THSD4: variants seen among roughly 807,000 people sequenced by gnomAD.
The protein encoded by THSD4 is thrombospondin type-1 domain-containing protein 4.
Under a neutral mutation model 119.0 loss-of-function variants are expected in THSD4, and 69 were observed. That is an observed-to-expected ratio of 0.58 (90% CI 0.48 to 0.71). The LOEUF (loss-of-function observed/expected upper bound fraction) is 0.71. Ranked by LOEUF, THSD4 falls within the 30% of genes least tolerant of loss-of-function variation. The pLI is 0.00. For synonymous variants in THSD4, 524 were observed against 540.4 expected, an observed-to-expected ratio of 0.97 and a Z score of 0.42; for missense variants, 1,393 against 1,391.1, an observed-to-expected ratio of 1.00 and a Z score of -0.02.
chr15:71,497,777 A>G (rs1181722363), intron 7 of THSD4, among the ~76,000 whole-genome samples: 1 of 152,180 alleles, frequency 6.6e-6, no homozygotes, highest in Admixed American at 6.5e-5. Flanking sequence ...TTATCAACAT[A>G]AAGTTTTCAG....
At chr15:71,753,536 G>C (rs904345146) in intron 14 of THSD4, among the ~76,000 whole-genome samples, 4 of 152,254 alleles carry the variant, frequency 2.6e-5, no homozygotes, top group Non-Finnish European at 5.9e-5. Flanking sequence ...TGAGAAGGCA[G>C]TCCCCACCAG....
chr15:71,265,471 T>C (rs2044453466), intron 6 of THSD4, among the ~76,000 whole-genome samples: 1 of 152,108 alleles, frequency 6.6e-6, no homozygotes, highest in Non-Finnish European at 1.5e-5. Flanking sequence ...GACTAGGAGA[T>C]TCCCTCGGGT....
chr15:71,617,430 C>G (rs941611140), intron 7 of THSD4, among the ~76,000 whole-genome samples: 4 of 151,806 alleles, frequency 2.6e-5, no homozygotes, highest in African/African-American at 9.7e-5. Context: ...CTTTCTTTCC[C>G]TTCATCTCAG....
chr15:71,478,510 C>G (rs1024760996), intron 7 of THSD4, among the ~76,000 whole-genome samples: 10 of 152,094 alleles, frequency 6.6e-5, no homozygotes, highest in South Asian at 2.1e-4. Flanking sequence ...GTGGACTCCA[C>G]CCAAAAGATG....
intron 3 of THSD4, among the ~76,000 whole-genome samples, chr15:71,157,397 A>T (rs1018724967): frequency 6.6e-6 from 1 of 152,186 alleles, no homozygotes; most frequent in Non-Finnish European, 1.5e-5. Context: ...TTATATAATG[A>T]TCAAATCAGG....
At chr15:71,679,443 A>G (rs866345862) in intron 8 of THSD4, among the ~76,000 whole-genome samples, 4 of 152,238 alleles carry the variant, frequency 2.6e-5, no homozygotes, top group South Asian at 2.1e-4. Context: ...CTATGCTCCA[A>G]TAAAATACGA....
chr15:71,508,737 A>G (rs2048233200), intron 7 of THSD4, among the ~76,000 whole-genome samples: 1 of 152,170 alleles, frequency 6.6e-6, no homozygotes, highest in South Asian at 2.1e-4. Context: ...TATGTAGTGT[A>G]TTTTTAGGTA....
chr15:71,596,915 G>T (rs4777415), intron 7 of THSD4, among the ~76,000 whole-genome samples: 1 of 152,146 alleles, frequency 6.6e-6, no homozygotes, highest in Admixed American at 6.5e-5. Context: ...CAAAGAGGGC[G>T]TGTGGGGAAG....
At chr15:71,430,959 G>T (rs2046936350) in intron 7 of THSD4, among the ~76,000 whole-genome samples, 5 of 152,032 alleles carry the variant, frequency 3.3e-5, no homozygotes, top group South Asian at 2.1e-4. Flanking sequence ...AAAATAACCA[G>T]TGTTTCCAAT....
At chr15:71,473,930 G>A (rs527741332) in intron 7 of THSD4, among the ~76,000 whole-genome samples, 1 of 152,330 alleles carries the variant, frequency 6.6e-6, no homozygotes, top group Admixed American at 6.5e-5. Context: ...TTAGGGCAGG[G>A]CCTATATGGT....
At chr15:71,170,306 C>T (rs576334938) in intron 3 of THSD4, among the ~76,000 whole-genome samples, 1 of 152,244 alleles carries the variant, frequency 6.6e-6, no homozygotes, top group East Asian at 1.9e-4. Flanking sequence ...TCAGCACACA[C>T]ATTTGAGGAA....
intron 17 of THSD4, among the ~76,000 whole-genome samples, chr15:71,774,825 G>A (rs1170370544): frequency 6.6e-6 from 1 of 151,764 alleles, no homozygotes; most frequent in Non-Finnish European, 1.5e-5. Context: ...ATTAATGAAT[G>A]AACCGTACAA....
At chr15:71,365,127 C>A (rs1009017412) in intron 6 of THSD4, among the ~76,000 whole-genome samples, 5 of 76,478 alleles carry the variant, frequency 6.5e-5, no homozygotes, top group Admixed American at 1.6e-4. Flanking sequence ...CACTGCCCCC[C>A]CCATTGTGTG....
intron 7 of THSD4, among the ~76,000 whole-genome samples, chr15:71,515,554 G>A (rs764045997): frequency 6.6e-6 from 1 of 152,128 alleles, no homozygotes; most frequent in Non-Finnish European, 1.5e-5. Flanking sequence ...ATTGAGGGGG[G>A]CTCAATCTCT....
At chr15:71,323,706 A>G (rs576108562) in intron 6 of THSD4, among the ~76,000 whole-genome samples, 5 of 152,338 alleles carry the variant, frequency 3.3e-5, no homozygotes, top group Admixed American at 6.5e-5. Context: ...TTCCTTTGGC[A>G]GAACACCAGA....
At chr15:71,180,925 A>C (rs951421313) in intron 3 of THSD4, among the ~76,000 whole-genome samples, 4 of 152,104 alleles carry the variant, frequency 2.6e-5, no homozygotes, top group African/African-American at 9.7e-5. Flanking sequence ...TGTATGTTAT[A>C]CCTCAATTAA....
chr15:71,451,700 C>A (rs2047267946), intron 7 of THSD4, among the ~76,000 whole-genome samples: 1 of 152,308 alleles, frequency 6.6e-6, no homozygotes, highest in East Asian at 1.9e-4. Context: ...TGGACTAGGC[C>A]TGTTTTGGAA....
intron 4 of THSD4, among the ~76,000 whole-genome samples, chr15:71,232,281 T>C (rs142877793): frequency 6.6e-6 from 1 of 152,236 alleles, no homozygotes; most frequent in East Asian, 1.9e-4. Flanking sequence ...TATGAATTAA[T>C]CCAAAGCAGT....
At chr15:71,665,670 T>C (rs1242600648) in intron 8 of THSD4, among the ~76,000 whole-genome samples, 1 of 152,218 alleles carries the variant, frequency 6.6e-6, no homozygotes, top group Non-Finnish European at 1.5e-5. Flanking sequence ...AGTTGATTTT[T>C]ATATATGGTG....
Sources: allele counts gnomAD v4.1 joint callset (sites outside exome capture counted in the v4.1 genomes callset), GRCh38; gene constraint gnomAD v4.1.1; transcripts MANE v1.5; gene names NCBI Gene and HGNC (gene_info 2026-07-23, HGNC 2026-07-21).